CAMK1D: variants seen among roughly 807,000 people sequenced by gnomAD.
The protein encoded by CAMK1D is calcium/calmodulin-dependent protein kinase type 1D.
Under a neutral mutation model 47.7 loss-of-function variants are expected in CAMK1D, and 9 were observed. The observed-to-expected ratio is 0.19, with a 90% CI of 0.11 to 0.33. CAMK1D has a LOEUF of 0.33. Ranked by LOEUF, CAMK1D falls within the 10% of genes least tolerant of loss-of-function variation. The probability of loss-of-function intolerance (pLI) is 1.00; values close to 1 mark genes in which losing one functional copy is unlikely to be tolerated. For synonymous variants in CAMK1D, 184 were observed against 184.9 expected (o/e 0.99, Z 0.04); for missense variants, 291 against 488.7 (o/e 0.60, Z 3.81).
chr10:12,504,108 GGT>G (rs1554778998), intron 1 of CAMK1D, among the ~76,000 whole-genome samples: 104 of 147,708 alleles, frequency 7.0e-4, no homozygotes, highest in Non-Finnish European at 9.7e-4. Context: ...CAATAAGATG[GGT>G]GTGTGTGTGT....
intron 1 of CAMK1D, among the ~76,000 whole-genome samples, chr10:12,464,263 G>T (rs1341347390): frequency 6.6e-6 from 1 of 152,114 alleles, no homozygotes; most frequent in African/African-American, 2.4e-5. Flanking sequence ...CAGAGGCCTC[G>T]GCAGGTGGGT....
chr10:12,478,421 C>T (rs1833966438), intron 1 of CAMK1D, among the ~76,000 whole-genome samples: 1 of 152,138 alleles, frequency 6.6e-6, no homozygotes, highest in African/African-American at 2.4e-5. Context: ...CTCACCTCAG[C>T]CTCCTGAGTA....
intron 1 of CAMK1D, among the ~76,000 whole-genome samples, chr10:12,358,254 G>A (rs1309362785): frequency 1.3e-5 from 2 of 152,100 alleles, no homozygotes; most frequent in Non-Finnish European, 2.9e-5. Flanking sequence ...AAAGAAATGA[G>A]GGACCCAGTA....
rs1326255225 is a variant in CAMK1D at position 12,834,065 on chromosome 10, G to T, written c.*5178G>T. 1 of 152,216 alleles carries T rather than the reference G, an allele frequency of 6.6e-6. No homozygotes were observed. Among genetic ancestry groups the T allele is most frequent in the Non-Finnish European group, 1.5e-5 (1 of 68,050 alleles). 9.4% of individuals were successfully genotyped at this position (152,216 alleles called of 1,614,324 possible). On this transcript the variant is annotated 3_prime_UTR_variant, in exon 11 of 11. Transcript: ENST00000619168. ...TTCGATGTTCAGAATTGAAAATGTGGAGATAGAAAAGCTCAAACAGACTCC... is the reference window on the plus strand; with the variant it reads ...TTCGATGTTCAGAATTGAAAATGTGTAGATAGAAAAGCTCAAACAGACTCC...
intron 3 of CAMK1D, among the ~76,000 whole-genome samples, chr10:12,727,949 A>G (rs1303397475): frequency 1.3e-5 from 2 of 152,068 alleles, no homozygotes. Context: ...TATTTTTAGT[A>G]GAGACGGGAT....
At position 12,349,768 on chromosome 10, in the gene CAMK1D, C is replaced by A. The variant is rs1350162902; in HGVS notation, c.-51C>A. ...CTGCGCCCGCGCCGCGCCCCCGGCG[C>A]CCCCTCCCCAGCGCGCCCCCGGCCG... is the stretch of plus-strand genomic sequence containing the variant. On this transcript the variant is annotated 5_prime_UTR_variant, in exon 1 of 11. Transcript: ENST00000619168. 2 of 923,602 alleles carry A rather than the reference C, an allele frequency of 2.2e-6. No individual in the cohort carries two copies. The highest frequency in any genetic ancestry group is 2.7e-6 in the Non-Finnish European group (2 of 734,750). 57.2% of individuals were successfully genotyped at this position (923,602 alleles called of 1,614,324 possible).
At chr10:12,669,448 T>C (rs1472605053) in intron 3 of CAMK1D, among the ~76,000 whole-genome samples, 1 of 152,196 alleles carries the variant, frequency 6.6e-6, no homozygotes, top group Non-Finnish European at 1.5e-5. Context: ...TCAGAAGGTT[T>C]ATTTATATAA....
chr10:12,420,208 T>C (rs969753776), intron 1 of CAMK1D, among the ~76,000 whole-genome samples: 1 of 152,214 alleles, frequency 6.6e-6, no homozygotes, highest in East Asian at 1.9e-4. Context: ...TCTGTCCGTC[T>C]CGGCCTCCCA....
At chr10:12,795,033 G>A (rs1397238703) in intron 6 of CAMK1D, among the ~76,000 whole-genome samples, 1 of 152,162 alleles carries the variant, frequency 6.6e-6, no homozygotes, top group Non-Finnish European at 1.5e-5. Context: ...ATAAATGCTG[G>A]TTGTTGACAC....
At chr10:12,810,433 C>T (rs564682364) in intron 6 of CAMK1D, among the ~76,000 whole-genome samples, 4 of 152,208 alleles carry the variant, frequency 2.6e-5, no homozygotes, top group Non-Finnish European at 4.4e-5. Flanking sequence ...TGCCACCACG[C>T]CCAGCTAATT....
intron 3 of CAMK1D, among the ~76,000 whole-genome samples, chr10:12,672,570 C>T (rs1469249145): frequency 2.6e-5 from 4 of 151,888 alleles, no homozygotes; most frequent in Non-Finnish European, 5.9e-5. Flanking sequence ...AGGGTTTCAC[C>T]ATGTTGGCCA....
At chr10:12,602,109 A>G (rs1838320836) in intron 2 of CAMK1D, among the ~76,000 whole-genome samples, 1 of 152,242 alleles carries the variant, frequency 6.6e-6, no homozygotes, top group South Asian at 2.1e-4. Flanking sequence ...TCCCCGAAGA[A>G]CTATGGTCTT....
chr10:12,368,044 T>C (rs989934826), intron 1 of CAMK1D, among the ~76,000 whole-genome samples: 1 of 151,886 alleles, frequency 6.6e-6, no homozygotes, highest in African/African-American at 2.4e-5. Flanking sequence ...TACAAAAAAT[T>C]AGCCGGGCGC....
intron 6 of CAMK1D, among the ~76,000 whole-genome samples, chr10:12,791,457 T>A (rs1837975653): frequency 6.6e-6 from 1 of 152,184 alleles, no homozygotes; most frequent in African/African-American, 2.4e-5. Context: ...ACTGAAACTC[T>A]ACCCCTTACA....
intron 6 of CAMK1D, among the ~76,000 whole-genome samples, chr10:12,799,402 A>G (rs1313417765): frequency 6.6e-6 from 1 of 151,966 alleles, no homozygotes; most frequent in East Asian, 1.9e-4. Context: ...CCAAACTAGG[A>G]GGGAGGGAGG....
chr10:12,705,504 A>T (rs1833696695), intron 3 of CAMK1D, among the ~76,000 whole-genome samples: 2 of 152,250 alleles, frequency 1.3e-5, no homozygotes, highest in East Asian at 3.9e-4. Flanking sequence ...ATAGTGTACC[A>T]TGCATCATAA....
chr10:12,684,366 G>A (rs112922515), intron 3 of CAMK1D, among the ~76,000 whole-genome samples: 14 of 152,246 alleles, frequency 9.2e-5, no homozygotes, highest in African/African-American at 3.1e-4. Context: ...GTCAGAGAAG[G>A]GGGTATCTCG....
At chr10:12,383,997 GT>G (rs1838418679) in intron 1 of CAMK1D, among the ~76,000 whole-genome samples, 1 of 152,282 alleles carries the variant, frequency 6.6e-6, no homozygotes, top group South Asian at 2.1e-4. Flanking sequence ...TAATAAATGA[GT>G]TCATCAAGAC....
At chr10:12,558,089 T>C (rs1185423689) in intron 2 of CAMK1D, among the ~76,000 whole-genome samples, 1 of 152,242 alleles carries the variant, frequency 6.6e-6, no homozygotes, top group Non-Finnish European at 1.5e-5. Context: ...CGGCTGGATC[T>C]AGAAAATTCA....
Sources: allele counts gnomAD v4.1 joint callset (sites outside exome capture counted in the v4.1 genomes callset), GRCh38; gene constraint gnomAD v4.1.1; transcripts MANE v1.5; gene names NCBI Gene and HGNC (gene_info 2026-07-23, HGNC 2026-07-21).